Variants in TSHZ3 observed in about 807,000 individuals in gnomAD.
The protein encoded by TSHZ3 is teashirt homolog 3.
Under a neutral mutation model 64.5 loss-of-function variants are expected in TSHZ3, and 10 were observed. The observed-to-expected ratio is 0.16, with a 90% confidence interval of 0.10 to 0.26. TSHZ3 has a LOEUF of 0.26. TSHZ3 is among the 10% of genes least tolerant of loss of function. TSHZ3 has a pLI of 1.00. For synonymous variants in TSHZ3, 608 were observed against 593.1 expected, an observed-to-expected ratio of 1.03 and a Z score of -0.36; for missense variants, 1,242 against 1,421.7, an observed-to-expected ratio of 0.87 and a Z score of 2.03.
At chr19:31,152,847 C>A (rs1974259372) in intron 6 of TSHZ3, among the ~76,000 whole-genome samples, 1 of 152,176 alleles carries the variant, frequency 6.6e-6, no homozygotes, top group Non-Finnish European at 1.5e-5. Context: ...TCACCAGACC[C>A]ATGCCTTGAA....
upstream of TSHZ3, among the ~76,000 whole-genome samples, chr19:31,350,408 C>G (rs2021683851): frequency 6.6e-6 from 1 of 151,636 alleles, no homozygotes; most frequent in Admixed American, 6.6e-5. Context: ...AGGGTCCCTC[C>G]ACCCCGCCCC....
intron 5 of TSHZ3, among the ~76,000 whole-genome samples, chr19:31,176,705 G>T (rs1974612281): frequency 6.6e-6 from 1 of 152,126 alleles, no homozygotes; most frequent in African/African-American, 2.4e-5. Flanking sequence ...TGGGAGGATT[G>T]CTTGAGCTAA....
chr19:31,321,386 G>A (rs367753679), intron 1 of TSHZ3, among the ~76,000 whole-genome samples: 28 of 152,338 alleles, frequency 1.8e-4, no homozygotes, highest in Admixed American at 3.9e-4. Flanking sequence ...GCCCGGTGGC[G>A]TCATCACATG....
chr19:31,317,768 A>G (rs565606459), intron 1 of TSHZ3, among the ~76,000 whole-genome samples: 1 of 152,238 alleles, frequency 6.6e-6, no homozygotes, highest in South Asian at 2.1e-4. Context: ...CGGAAATCTG[A>G]CCCGGACATC....
chr19:31,193,998 A>C (rs956504138), intron 5 of TSHZ3, among the ~76,000 whole-genome samples: 1 of 152,222 alleles, frequency 6.6e-6, no homozygotes. Flanking sequence ...CTTAGATCCC[A>C]AAGGGAAGTG....
chr19:31,256,354 C>T (rs892620046), intron 1 of TSHZ3, among the ~76,000 whole-genome samples: 13 of 152,100 alleles, frequency 8.5e-5, no homozygotes, highest in African/African-American at 2.2e-4. Context: ...TCTCTCTCTG[C>T]GGGGGTCCTT....
intron 1 of TSHZ3, among the ~76,000 whole-genome samples, chr19:31,343,282 T>C (rs1917489170): frequency 6.6e-6 from 1 of 152,204 alleles, no homozygotes; most frequent in Non-Finnish European, 1.5e-5. Context: ...GAGCCACACC[T>C]TTGCATATCT....
intron 1 of TSHZ3, among the ~76,000 whole-genome samples, chr19:31,282,767 C>A (rs1976386635): frequency 6.6e-6 from 1 of 152,168 alleles, no homozygotes; most frequent in Non-Finnish European, 1.5e-5. Flanking sequence ...ACCTCTCAAC[C>A]TCCCTGGTGG....
intron 1 of TSHZ3, among the ~76,000 whole-genome samples, chr19:31,297,428 T>TC (rs1320422310): frequency 6.6e-6 from 1 of 151,748 alleles, no homozygotes; most frequent in Non-Finnish European, 1.5e-5. Context: ...GTCTCTTTTT[T>TC]TTGCCCATTC....
At chr19:31,290,851 G>A (rs1599629171) in intron 1 of TSHZ3, among the ~76,000 whole-genome samples, 1 of 152,150 alleles carries the variant, frequency 6.6e-6, no homozygotes, top group East Asian at 1.9e-4. Context: ...CAGAAGGCTG[G>A]CCATGGCGGG....
chr19:31,214,625 C>T (rs1047824429), intron 4 of TSHZ3, among the ~76,000 whole-genome samples: 3 of 152,102 alleles, frequency 2.0e-5, no homozygotes, highest in African/African-American at 4.8e-5. Context: ...AAGAATCAGG[C>T]AGGCCGGGCG....
intron 1 of TSHZ3, among the ~76,000 whole-genome samples, chr19:31,284,268 C>A (rs1027444394): frequency 7.2e-5 from 11 of 151,986 alleles, no homozygotes; most frequent in Non-Finnish European, 1.5e-5. Context: ...ATCCCCCATT[C>A]TCTCTGCAGC....
intron 3 of TSHZ3, among the ~76,000 whole-genome samples, chr19:31,234,840 C>T (rs1034922001): frequency 5.3e-5 from 8 of 152,210 alleles, no homozygotes; most frequent in African/African-American, 1.9e-4. Flanking sequence ...ACTGCATTGT[C>T]GGCTTTTGAT....
At chr19:31,213,218 G>A (rs1320202828) in intron 4 of TSHZ3, among the ~76,000 whole-genome samples, 2 of 151,472 alleles carry the variant, frequency 1.3e-5, no homozygotes, top group East Asian at 1.9e-4. Context: ...TTAGCCGGGC[G>A]TGGCGTCATG....
intron 5 of TSHZ3, among the ~76,000 whole-genome samples, chr19:31,179,802 AATG>A (rs891666097): frequency 7.1e-6 from 1 of 140,628 alleles, no homozygotes; most frequent in African/African-American, 2.9e-5. Context: ...TGGTGGTAAC[AATG>A]ATGATGGTGG....
At chr19:31,345,015 G>A (rs1411121612) in intron 1 of TSHZ3, among the ~76,000 whole-genome samples, 1 of 152,092 alleles carries the variant, frequency 6.6e-6, no homozygotes, top group African/African-American at 2.4e-5. Context: ...GAGCACTGAA[G>A]CCCTAACTGA....
intron 1 of TSHZ3, among the ~76,000 whole-genome samples, chr19:31,284,687 A>C (rs968255201): frequency 1.3e-5 from 2 of 152,124 alleles, no homozygotes; most frequent in Non-Finnish European, 2.9e-5. Context: ...TGGGGATAGC[A>C]GGGTTTTGAC....
At chr19:31,270,084 G>A (rs1012599154), downstream of TSHZ3, among the ~76,000 whole-genome samples, 1 of 152,236 alleles carries the variant, frequency 6.6e-6, no homozygotes, top group Non-Finnish European at 1.5e-5. Flanking sequence ...ATCCACAGCA[G>A]GGAGAATGAT....
At chr19:31,294,069 G>A (rs12151003) in intron 1 of TSHZ3, among the ~76,000 whole-genome samples, 9,916 of 152,240 alleles carry the variant, frequency 0.065, 423 homozygotes, top group Non-Finnish European at 0.1. Context: ...TTCTGGCGAA[G>A]TTCCTCATCT....
Sources: allele counts gnomAD v4.1 joint callset (sites outside exome capture counted in the v4.1 genomes callset), GRCh38; gene constraint gnomAD v4.1.1; transcripts MANE v1.5; gene names NCBI Gene and HGNC (gene_info 2026-07-23, HGNC 2026-07-21).